The following NIT2 variants were observed in gnomAD, a reference collection of about 807,000 sequenced individuals.
NIT2 encodes the protein omega-amidase NIT2.
In NIT2, 46 loss-of-function variants were observed where a neutral mutation model predicts 42.7. The ratio of observed to expected loss-of-function variants is 1.08; its 90% CI spans 0.85 to 1.38. The LOEUF (loss-of-function observed/expected upper bound fraction) is 1.38. Ranked by LOEUF, NIT2 falls within the 40% of genes most tolerant of loss-of-function variation. NIT2 has a pLI of 0.00. For synonymous variants in NIT2, 123 were observed against 121.9 expected (o/e 1.01, Z -0.06); for missense variants, 309 against 342.5 (o/e 0.90, Z 0.77).
intron 4 of NIT2, among the ~76,000 whole-genome samples, chr3:100,344,775 G>A (rs1332698885): frequency 1.3e-5 from 2 of 150,510 alleles, no homozygotes; most frequent in Non-Finnish European, 3.0e-5. Flanking sequence ...CTTCCCAAGT[G>A]GCTGGGATTA....
At chr3:100,354,872 G>C in intron 9 of NIT2, 45 bp downstream of exon 9, 1 of 1,517,600 alleles carries the variant, frequency 6.6e-7, no homozygotes. Context: ...TGTCCCCATT[G>C]TTCTGAGGCC....
At chr3:100,340,042 G>C in intron 3 of NIT2, 107 bp downstream of exon 3, 18 of 864,482 alleles carry the variant, frequency 2.1e-5, no homozygotes, top group Non-Finnish European at 3.1e-5. Flanking sequence ...CTTCAGCTTG[G>C]GAAGCTGAAG....
chr3:100,357,432 TG>T lies in NIT2; in HGVS notation c.*2166del, dbSNP rs1400970925. ...AAATGAAAGAATGATCTGGTTGATG[TG>T]GATGTGTGGAACCTAGGAACCTTCT... is the stretch of plus-strand genomic sequence containing the variant. On this transcript the variant is annotated 3_prime_UTR_variant, in exon 10 of 10. Coordinates refer to ENST00000394140, the MANE Select transcript of NIT2 (RefSeq NM_020202.5). 6.6e-6 allele frequency: 1 copy of T among 152,164 alleles called. No individual in the cohort carries two copies. Among genetic ancestry groups the T allele is most frequent in the Non-Finnish European group, 1.5e-5 (1 of 68,030 alleles). The allele number at this position is 152,164 out of a possible 1,614,324, so 9.4% of individuals were successfully genotyped here.
intron 8 of NIT2, among the ~76,000 whole-genome samples, chr3:100,354,385 G>A (rs1000980951): frequency 6.6e-6 from 1 of 152,152 alleles, no homozygotes; most frequent in African/African-American, 2.4e-5. Flanking sequence ...CCATTGTAAA[G>A]GGGGGGTCCA....
At position 100,360,545 on chromosome 3, in the gene NIT2, G is replaced by C. The variant is rs917521280; in HGVS notation, c.*5277G>C. On this transcript the variant is annotated 3_prime_UTR_variant, in exon 10 of 10. Coordinates refer to ENST00000394140, the MANE Select transcript of NIT2 (RefSeq NM_020202.5). ...TACAGTGAGCCAAGATCACACCACT[G>C]TACTCCTGGGCAACAGAGTTAAACT... 2.6e-5 allele frequency: 4 copies of C among 152,156 alleles called. No homozygotes were observed. The highest frequency in any genetic ancestry group is 5.9e-5 in the Non-Finnish European group (4 of 68,054). The allele number at this position is 152,156 out of a possible 1,614,324, so 9.4% of individuals were successfully genotyped here.
chr3:100,341,191 T>TA, intron 4 of NIT2, 30 bp downstream of exon 4: 1 of 1,523,934 alleles, frequency 6.6e-7, no homozygotes, highest in South Asian at 1.1e-5. Context: ...TAAGAATTTG[T>TA]TATCTCTAAG....
At chr3:100,348,903 C>G in intron 7 of NIT2, 22 bp downstream of exon 7, 1 of 1,604,742 alleles carries the variant, frequency 6.2e-7, no homozygotes, top group Non-Finnish European at 8.5e-7. Context: ...ACCATATATT[C>G]AAGCCTCTCG....
chr3:100,335,542 A>G (rs750535667), intron 1 of NIT2, among the ~76,000 whole-genome samples: 1 of 152,226 alleles, frequency 6.6e-6, no homozygotes, highest in Admixed American at 6.5e-5. Context: ...CAGCATGAGG[A>G]ACTGCCCAGT....
At chr3:100,341,791 C>G (rs931500726) in intron 4 of NIT2, among the ~76,000 whole-genome samples, 1 of 152,078 alleles carries the variant, frequency 6.6e-6, no homozygotes, top group African/African-American at 2.4e-5. Flanking sequence ...CCTGTAATCC[C>G]AGCACTTTGG....
rs1706337608 is a variant in NIT2 at position 100,357,779 on chromosome 3, C to A, written c.*2511C>A. 1 of 151,708 alleles carries A rather than the reference C, an allele frequency of 6.6e-6. No homozygotes were observed. Among genetic ancestry groups the A allele is most frequent in the Non-Finnish European group, 1.5e-5 (1 of 68,028 alleles). 9.4% of individuals were successfully genotyped at this position (151,708 alleles called of 1,614,324 possible). ...CTCAGCCTCCTAAAAGTAGCTGAGA[C>A]TACAGGCACGTGCCACCATGCCTGG... is the stretch of plus-strand genomic sequence containing the variant. On this transcript the variant is annotated 3_prime_UTR_variant, in exon 10 of 10. Coordinates refer to ENST00000394140, the MANE Select transcript of NIT2 (RefSeq NM_020202.5).
chr3:100,348,835 A>T lies in NIT2; in HGVS notation c.538A>T (p.Asn180Tyr). The change falls in exon 7 of 10, where the codon AAT becomes TAT. Residue 180 changes from asparagine to tyrosine, a missense_variant. By Grantham distance (143) the Asn-to-Tyr change is moderately radical. Transcript: ENST00000394140. ...GCTGTTGGTATATCCAGGAGCTTTT[A>T]ATCTGACCACTGGACCAGCCCATTG... Reference protein sequence around the residue: ...CQLLVYPGAFNLTTGPAHWEL... With the variant: ...CQLLVYPGAFYLTTGPAHWEL... 1 of 1,614,016 alleles carries T rather than the reference A, an allele frequency of 6.2e-7. No individual in the cohort carries two copies. The highest frequency in any genetic ancestry group is 8.5e-7 in the Non-Finnish European group (1 of 1,179,924).
chr3:100,352,242 A>C (rs535443820), intron 7 of NIT2, among the ~76,000 whole-genome samples, 162 bp from the exon 8 acceptor site: 2 of 152,208 alleles, frequency 1.3e-5, no homozygotes. Flanking sequence ...CCATTTGAGT[A>C]AGGTAACTTT....
At position 100,360,798 on chromosome 3, in the gene NIT2, G is replaced by A. The variant is rs983025475; in HGVS notation, c.*5530G>A. The A allele has an allele frequency of 1.2e-4, 19 of 152,314 alleles. 1 individual carries two copies. The highest frequency in any genetic ancestry group is 4.1e-4 in the African/African-American group (17 of 41,562). 9.4% of individuals were successfully genotyped at this position (152,314 alleles called of 1,614,324 possible). A position where few individuals can be genotyped will look rare whatever the true frequency, so the allele number is the denominator to read the frequency against. On this transcript the variant is annotated 3_prime_UTR_variant, in exon 10 of 10. Coordinates refer to ENST00000394140, the MANE Select transcript of NIT2 (RefSeq NM_020202.5). ...GTTTTGTTCCAAACTATCCAATCGA[G>A]AATGTTCATATAATGACAGCTTTGG...
intron 1 of NIT2, 106 bp downstream of exon 1, chr3:100,334,904 C>G: frequency 2.7e-6 from 3 of 1,093,822 alleles, no homozygotes; most frequent in Non-Finnish European, 3.5e-6. Flanking sequence ...CCCCGCGTCC[C>G]CGCCGTGCGC....
intron 4 of NIT2, among the ~76,000 whole-genome samples, chr3:100,341,716 T>A (rs756101659): frequency 1.9e-4 from 29 of 151,898 alleles, no homozygotes; most frequent in Non-Finnish European, 3.5e-4. Flanking sequence ...TAGAGAACAC[T>A]GTGGGAAGAG....
intron 1 of NIT2, chr3:100,335,130 TGG>T (rs1308238613): frequency 2.6e-6 from 1 of 380,992 alleles, no homozygotes; most frequent in Non-Finnish European, 5.2e-6. Flanking sequence ...CCAACTCCCT[TGG>T]GTGTTTTCAA....
intron 9 of NIT2, 110 bp downstream of exon 9, chr3:100,354,937 C>T: frequency 1.1e-6 from 1 of 901,788 alleles, no homozygotes. Context: ...TATGCCCCTT[C>T]TCATTGATCT....
chr3:100,338,994 G>T (rs1706110322), intron 1 of NIT2, 93 bp from the exon 2 acceptor site: 1 of 862,012 alleles, frequency 1.2e-6, no homozygotes, highest in South Asian at 1.3e-5. Flanking sequence ...GTCCCCCCGG[G>T]GACATAACTG....
Position 100,348,811 on chromosome 3 carries a change from C to G in NIT2, c.514C>G (p.Leu172Val). The G allele has an allele frequency of 1.9e-6, 3 of 1,614,010 alleles. No individual in the cohort carries two copies. The highest frequency in any genetic ancestry group is 2.5e-6 in the Non-Finnish European group (3 of 1,179,876). ...AQIYAQRGCQ[L>V]LVYPGAFNLT... ...GCTTTTCTCTCCCCAAGGCTGCCAGCTGTTGGTATATCCAGGAGCTTTTAA... is the reference window on the plus strand; with the variant it reads ...GCTTTTCTCTCCCCAAGGCTGCCAGGTGTTGGTATATCCAGGAGCTTTTAA... Residue 172 changes from leucine to valine, a missense_variant, in exon 7 of 10, where the codon CTG (leucine) becomes GTG (valine). By Grantham distance (32) the Leu-to-Val change is conservative (BLOSUM62 1). Coordinates refer to ENST00000394140, the MANE Select transcript of NIT2 (RefSeq NM_020202.5).
Sources: gnomAD v4.1 joint callset for allele counts (sites outside exome capture counted in the v4.1 genomes callset) on GRCh38, gnomAD v4.1.1 for gene constraint, MANE v1.5 for transcripts, NCBI Gene and HGNC (gene_info 2026-07-23, HGNC 2026-07-21) for gene names.